INPP4B: variants seen among roughly 807,000 people sequenced by gnomAD.
INPP4B encodes inositol polyphosphate-4-phosphatase type II B.
In INPP4B, 55 loss-of-function variants were observed where a neutral mutation model predicts 122.5. The observed-to-expected ratio is 0.45, with a 90% CI of 0.36 to 0.56. The LOEUF (loss-of-function observed/expected upper bound fraction) is 0.56, where lower values mean the gene tolerates loss of function less well. INPP4B is among the 20% of genes least tolerant of loss of function. The probability of loss-of-function intolerance (pLI) is 0.00; values close to 1 mark genes in which losing one functional copy is unlikely to be tolerated. For missense variants in INPP4B, 1,000 were observed against 1,097.7 expected (o/e 0.91, Z 1.26); for synonymous variants, 403 against 388.7 (o/e 1.04, Z -0.43).
At position 142,786,756 on chromosome 4, in the gene INPP4B, T is replaced by C. The variant is rs553719297; in HGVS notation, c.-254+59453A>G. On this transcript the variant is annotated intron_variant, in intron 1 of 25. Coordinates refer to ENST00000262992, the MANE Select transcript of INPP4B (RefSeq NM_001101669.3). ...TTCCTCCGAGCTGCCCCTAAAAGCA[T>C]AGCTGCTGTATAATCAAGAAAACAC... Among the ~76,000 whole-genome samples the C allele has an allele frequency of 3.3e-5, 5 of 152,244 alleles. No homozygotes were observed. The East Asian group carries it at 9.7e-4, about 29-fold the overall frequency.
chr4:142,600,440 A>G (rs953825366), intron 2 of INPP4B, among the ~76,000 whole-genome samples: 1 of 152,214 alleles, frequency 6.6e-6, no homozygotes, highest in East Asian at 1.9e-4. Context: ...ATTCAATACC[A>G]CTAGACCTGA....
chr4:142,536,185 A>G (rs1346221787), intron 2 of INPP4B, among the ~76,000 whole-genome samples: 1 of 152,180 alleles, frequency 6.6e-6, no homozygotes, highest in Admixed American at 6.5e-5. Context: ...AAATTTCCCA[A>G]TTATCTGTAT....
intron 2 of INPP4B, among the ~76,000 whole-genome samples, chr4:142,645,057 G>A (rs1209136952): frequency 2.0e-5 from 3 of 152,014 alleles, no homozygotes; most frequent in South Asian, 2.1e-4. Flanking sequence ...TGTTGACAGT[G>A]TATGCTACTA....
intron 2 of INPP4B, among the ~76,000 whole-genome samples, chr4:142,698,743 G>T (rs1051054040): frequency 1.3e-5 from 2 of 152,152 alleles, no homozygotes; most frequent in African/African-American, 2.4e-5. Context: ...GAAAGGAGTT[G>T]CAGTCACAGA....
intron 5 of INPP4B, among the ~76,000 whole-genome samples, chr4:142,406,013 C>T (rs539179881): frequency 1.3e-5 from 2 of 152,132 alleles, no homozygotes; most frequent in Non-Finnish European, 2.9e-5. Context: ...GCCACCATAC[C>T]ATATTTACTT....
At chr4:142,411,279 G>A (rs1232867307) in intron 5 of INPP4B, among the ~76,000 whole-genome samples, 1 of 152,216 alleles carries the variant, frequency 6.6e-6, no homozygotes, top group Non-Finnish European at 1.5e-5. Context: ...TGGCCCACAG[G>A]GGAGCACTTG....
intron 12 of INPP4B, among the ~76,000 whole-genome samples, chr4:142,235,909 T>C (rs1470968901): frequency 6.6e-6 from 1 of 152,234 alleles, no homozygotes; most frequent in Non-Finnish European, 1.5e-5. Context: ...CTTTTCTTTG[T>C]GTGGTGAACA....
At chr4:142,426,114 A>G (rs1808005116) in intron 5 of INPP4B, among the ~76,000 whole-genome samples, 1 of 151,996 alleles carries the variant, frequency 6.6e-6, no homozygotes, top group Admixed American at 6.6e-5. Flanking sequence ...GATTTATAGT[A>G]TATGTGGTGT....
chr4:142,817,453 G>A (rs1780240627), intron 1 of INPP4B, among the ~76,000 whole-genome samples: 1 of 152,110 alleles, frequency 6.6e-6, no homozygotes, highest in South Asian at 2.1e-4. Flanking sequence ...ACTGCATATG[G>A]AGTGCTTTAA....
intron 23 of INPP4B, among the ~76,000 whole-genome samples, chr4:142,099,866 A>G (rs1783709691): frequency 6.6e-6 from 1 of 152,154 alleles, no homozygotes; most frequent in Non-Finnish European, 1.5e-5. Context: ...CTTCTTTTAC[A>G]CTCATGTCCA....
intron 1 of INPP4B, among the ~76,000 whole-genome samples, chr4:142,806,846 A>AGAAAGAAAGAAG (rs1778922417): frequency 1.3e-5 from 2 of 150,722 alleles, no homozygotes; most frequent in Non-Finnish European, 2.9e-5. Flanking sequence ...AAAGAAAGAA[A>AGAAAGAAAGAAG]GAAAGGAGAA....
chr4:142,029,260 T>A, intron 25 of INPP4B: 7 of 998,746 alleles, frequency 7.0e-6, no homozygotes, highest in Non-Finnish European at 8.4e-6. Context: ...TCAGTCTCTT[T>A]AAAACACATT....
intron 21 of INPP4B, among the ~76,000 whole-genome samples, chr4:142,119,704 G>C (rs571064928): frequency 6.6e-6 from 1 of 151,822 alleles, no homozygotes; most frequent in East Asian, 2.0e-4. Flanking sequence ...TAAATGACGA[G>C]TTTATGGGTG....
At chr4:142,622,914 G>A (rs1281656267) in intron 2 of INPP4B, among the ~76,000 whole-genome samples, 1 of 151,920 alleles carries the variant, frequency 6.6e-6, no homozygotes, top group African/African-American at 2.4e-5. Context: ...ATAGCACTGT[G>A]CAACCTTCAC....
At chr4:142,756,275 A>G (rs2150961800) in intron 1 of INPP4B, among the ~76,000 whole-genome samples, 1 of 152,242 alleles carries the variant, frequency 6.6e-6, no homozygotes, top group South Asian at 2.1e-4. Flanking sequence ...AAGATGGCAG[A>G]GTAGAAAGAT....
chr4:142,037,828 A>G (rs774971732), intron 25 of INPP4B, among the ~76,000 whole-genome samples: 1 of 152,198 alleles, frequency 6.6e-6, no homozygotes, highest in Non-Finnish European at 1.5e-5. Flanking sequence ...TCTGGTATCA[A>G]TAAGAGCTGT....
chr4:142,628,557 TAAAAAAAAAAA>T (rs35955830), intron 2 of INPP4B, among the ~76,000 whole-genome samples: 19 of 99,924 alleles, frequency 1.9e-4, no homozygotes, highest in Non-Finnish European at 3.0e-4. Flanking sequence ...AAACTTAAAG[TAAAAAAAAAAA>T]AAAAAAAAAA....
rs1462805409 is a variant in INPP4B, at chr4:142,720,807, C to CTA, written c.-191+5031_-191+5032insTA. Among the ~76,000 whole-genome samples the CTA allele has an allele frequency of 4.5e-3, 62 of 13,730 alleles. 1 individual carries two copies. Among genetic ancestry groups the CTA allele is most frequent in the Non-Finnish European group, 6.6e-3 (45 of 6,790 alleles). 9.0% of individuals were successfully genotyped at this position (13,730 alleles called of 152,430 possible). ...TCTCTCTCTCTCTCTCTCTCTCTCT[C>CTA]TCTATATATATATATATATATAGTT... On this transcript the variant is annotated intron_variant, in intron 2 of 25. Transcript: ENST00000262992.
At chr4:142,442,053 G>A (rs1010626145) in intron 3 of INPP4B, among the ~76,000 whole-genome samples, 8 of 152,040 alleles carry the variant, frequency 5.3e-5, no homozygotes, top group Non-Finnish European at 2.9e-5. Context: ...AAATAAAAAA[G>A]CATATTTATG....
Sources: allele counts gnomAD v4.1 joint callset (sites outside exome capture counted in the v4.1 genomes callset), GRCh38; gene constraint gnomAD v4.1.1; transcripts MANE v1.5; gene names NCBI Gene and HGNC (gene_info 2026-07-23, HGNC 2026-07-21).